AKR1C3: variants seen among roughly 807,000 people sequenced by gnomAD.
AKR1C3 encodes aldo-keto reductase family 1 member C3, also known as 3-alpha hydroxysteroid dehydrogenase, type II.
A neutral mutation model predicts 43.6 loss-of-function variants in AKR1C3; 48 were observed. That is an observed-to-expected ratio of 1.10 (90% CI 0.87 to 1.40). The LOEUF (loss-of-function observed/expected upper bound fraction) is 1.40. AKR1C3 is among the 40% of genes most tolerant of loss of function. The probability of loss-of-function intolerance (pLI) is 0.00; values close to 1 mark genes in which losing one functional copy is unlikely to be tolerated. For missense variants in AKR1C3, 482 were observed against 391.2 expected (o/e 1.23, Z -1.96); for synonymous variants, 162 against 139.6 (o/e 1.16, Z -1.13).
At chr10:5,066,800 C>G (rs1255551560) in intron 1 of AKR1C3, among the ~76,000 whole-genome samples, 1 of 152,192 alleles carries the variant, frequency 6.6e-6, no homozygotes, top group African/African-American at 2.4e-5. Flanking sequence ...AGATACTTTT[C>G]TGTTCATCCA....
intron 1 of AKR1C3, among the ~76,000 whole-genome samples, chr10:5,081,133 T>C (rs1838829477): frequency 1.3e-5 from 2 of 152,260 alleles, no homozygotes; most frequent in African/African-American, 2.4e-5. Flanking sequence ...CTGGAAAATA[T>C]GGAAAATTTG....
chr10:5,085,243 A>G (rs1292350669), intron 1 of AKR1C3, among the ~76,000 whole-genome samples: 5 of 151,966 alleles, frequency 3.3e-5, no homozygotes, highest in Admixed American at 2.0e-4. Context: ...ATTTTGAGAT[A>G]TGTGCCATCA....
chr10:5,057,516 A>G (rs1838286916), intron 1 of AKR1C3, among the ~76,000 whole-genome samples: 1 of 152,080 alleles, frequency 6.6e-6, no homozygotes, highest in African/African-American at 2.4e-5. Context: ...CCCTCGAGTG[A>G]TTTGGGTGAC....
At chr10:5,103,012 C>G (rs1403072808) in intron 7 of AKR1C3, among the ~76,000 whole-genome samples, 1 of 151,124 alleles carries the variant, frequency 6.6e-6, no homozygotes, top group Non-Finnish European at 1.5e-5. Context: ...GCCTCAGCCT[C>G]CTGAGTAGCT....
At chr10:5,075,575 A>G (rs1838699950) in intron 1 of AKR1C3, among the ~76,000 whole-genome samples, 1 of 152,158 alleles carries the variant, frequency 6.6e-6, no homozygotes, top group Non-Finnish European at 1.5e-5. Context: ...TGTGGAAAAA[A>G]GCCATTTGTC....
chr10:5,077,802 G>C, intron 1 of AKR1C3: 1 of 685,926 alleles, frequency 1.5e-6, no homozygotes. Context: ...TGAGGTTGAA[G>C]CAAATCTGAC....
intron 1 of AKR1C3, among the ~76,000 whole-genome samples, chr10:5,067,854 A>C (rs1838541378): frequency 6.6e-6 from 1 of 152,244 alleles, no homozygotes; most frequent in South Asian, 2.1e-4. Context: ...TGCTTTAAGG[A>C]CTCAGGAAGG....
Position 5,087,412 on chromosome 10 carries a change from G to A in AKR1C3, c.85-8998G>A, listed in dbSNP as rs1294056600. Among the ~76,000 whole-genome samples the A allele has an allele frequency of 2.4e-5, 3 of 126,720 alleles. No individual in the cohort carries two copies. In the East Asian group the frequency reaches 7.3e-4, roughly 31 times the overall value. The allele number at this position is 126,720 out of a possible 152,430, so 83.1% of individuals were successfully genotyped here. On this transcript the variant is annotated intron_variant, in intron 1 of 8. Coordinates refer to the AKR1C3 transcript ENST00000439082. ...TTTTTTTTTTGAGGCTCGCTCTGTTGCCCAGGCTGGAGGGCAGTGGGGCAA... is the reference window on the plus strand; with the variant it reads ...TTTTTTTTTTGAGGCTCGCTCTGTTACCCAGGCTGGAGGGCAGTGGGGCAA...
At chr10:5,053,242 G>A (rs567520706) in intron 1 of AKR1C3, among the ~76,000 whole-genome samples, 2 of 152,352 alleles carry the variant, frequency 1.3e-5, no homozygotes, top group Admixed American at 1.3e-4. Context: ...GCCCACGGAC[G>A]GTGGAGAGGC....
chr10:5,094,064 C>T (rs571598816), upstream of AKR1C3: 108 of 167,780 alleles, frequency 6.4e-4, 2 homozygotes, highest in Admixed American at 3.9e-3. Flanking sequence ...GGCATTATCA[C>T]GGCAGAAACG....
At chr10:5,102,022 G>A (rs899382759) in intron 5 of AKR1C3, 79 bp from the exon 6 acceptor site, 19 of 899,030 alleles carry the variant, frequency 2.1e-5, no homozygotes, top group Non-Finnish European at 3.1e-5. Flanking sequence ...TTATTATTCA[G>A]CTTCCTTACT....
At chr10:5,068,173 A>T (rs1838546710) in intron 1 of AKR1C3, among the ~76,000 whole-genome samples, 1 of 151,510 alleles carries the variant, frequency 6.6e-6, no homozygotes, top group Non-Finnish European at 1.5e-5. Context: ...GTAACATAAT[A>T]ATCATAATTA....
chr10:5,066,485 T>G (rs1838504142), intron 1 of AKR1C3, among the ~76,000 whole-genome samples: 1 of 152,104 alleles, frequency 6.6e-6, no homozygotes. Flanking sequence ...CTCTTGTTAT[T>G]CCAGTCGAAG....
In AKR1C3 at chr10:5,102,540, A is replaced by G. The variant is rs782017297; in HGVS notation, c.736A>G (p.Lys246Glu). ...LEDPVLCALA[K>E]KHKRTPALIA... is the part of the protein sequence containing the mutation. ...GGACCCAGTCCTTTGTGCCTTGGCA[A>G]AAAAGCACAAGCGAACCCCAGCCCT... The change falls in exon 7 of 9, where the codon AAA becomes GAA. Residue 246 changes from lysine to glutamate, a missense_variant. Transcript: ENST00000380554. 115 of 1,575,808 alleles carry G rather than the reference A, an allele frequency of 7.3e-5. No individual in the cohort carries two copies. Among genetic ancestry groups the G allele is most frequent in the Non-Finnish European group, 9.8e-5 (113 of 1,158,846 alleles).
chr10:5,097,962 G>A, intron 3 of AKR1C3: 1 of 1,047,802 alleles, frequency 9.5e-7, no homozygotes, highest in South Asian at 3.3e-5. Context: ...AAGCAGATTT[G>A]GTGGAAGCCA....
chr10:5,050,218 G>C (rs969830970), intron 1 of AKR1C3, among the ~76,000 whole-genome samples: 16 of 152,134 alleles, frequency 1.1e-4, no homozygotes, highest in African/African-American at 3.9e-4. Flanking sequence ...TTTCTCTTTG[G>C]ATGTTTGCAC....
chr10:5,099,246 T>C, intron 4 of AKR1C3, 81 bp from the exon 5 acceptor site: 1 of 1,589,486 alleles, frequency 6.3e-7, no homozygotes, highest in Non-Finnish European at 8.6e-7. Context: ...TGAAAGTTGT[T>C]GCTCTCACAG....
intron 1 of AKR1C3, among the ~76,000 whole-genome samples, chr10:5,073,742 C>T (rs1271916608): frequency 6.6e-6 from 1 of 152,156 alleles, no homozygotes; most frequent in Admixed American, 6.5e-5. Flanking sequence ...TTCTGCCTTG[C>T]TGCTATCAAG....
intron 6 of AKR1C3, 50 bp downstream of exon 6, chr10:5,102,260 T>G: frequency 1.3e-6 from 2 of 1,590,334 alleles, no homozygotes; most frequent in Non-Finnish European, 1.7e-6. Flanking sequence ...TGCAGAAAAT[T>G]TTTTAGTCAG....
Sources: allele counts gnomAD v4.1 joint callset (sites outside exome capture counted in the v4.1 genomes callset), GRCh38; gene constraint gnomAD v4.1.1; transcripts MANE v1.5; gene names NCBI Gene and HGNC (gene_info 2026-07-23, HGNC 2026-07-21).